MTA3: variants seen among roughly 807,000 people sequenced by gnomAD.
The protein encoded by MTA3 is metastasis associated 1 family member 3.
MTA3 carries 34 observed loss-of-function variants against 83.5 expected under a neutral mutation model. The observed-to-expected ratio is 0.41, with a 90% CI of 0.31 to 0.54. The LOEUF is 0.54. MTA3 is among the 20% of genes least tolerant of loss of function. MTA3 has a pLI of 0.33. For synonymous variants in MTA3, 303 were observed against 252.7 expected, an observed-to-expected ratio of 1.20 and a Z score of -1.89; for missense variants, 761 against 726.4, an observed-to-expected ratio of 1.05 and a Z score of -0.55.
intron 4 of MTA3, among the ~76,000 whole-genome samples, chr2:42,626,794 A>G (rs555738085): frequency 1.1e-4 from 17 of 151,976 alleles, no homozygotes; most frequent in African/African-American, 3.4e-4. Flanking sequence ...AGGATGTAGT[A>G]TAATGGTGCC....
upstream of MTA3, among the ~76,000 whole-genome samples, chr2:42,564,333 G>A (rs969903847): frequency 2.1e-4 from 32 of 152,300 alleles, no homozygotes; most frequent in African/African-American, 6.3e-4. Context: ...TATGGGATCC[G>A]AAAACACATA....
chr2:42,680,255 A>G (rs1274626923), intron 8 of MTA3: 1 of 152,398 alleles, frequency 6.6e-6, no homozygotes, highest in South Asian at 2.1e-4. Context: ...CCAGAGCCCT[A>G]AGCACCTCCA....
chr2:42,604,788 A>G (rs1683037428), intron 3 of MTA3, among the ~76,000 whole-genome samples: 1 of 148,258 alleles, frequency 6.7e-6, no homozygotes, highest in Non-Finnish European at 1.5e-5. Context: ...GATGACTCTT[A>G]ACGAGCATGC....
intron 2 of MTA3, among the ~76,000 whole-genome samples, chr2:42,573,567 A>G (rs759640151): frequency 2.0e-5 from 3 of 152,124 alleles, no homozygotes; most frequent in Non-Finnish European, 4.4e-5. Context: ...CTGGAGTACA[A>G]TGGCATGATC....
In MTA3 at chr2:42,626,769, C is replaced by T. The variant is rs190318233; in HGVS notation, c.318-13404C>T. 6.6e-5 allele frequency among the ~76,000 whole-genome samples: 10 copies of T among 152,114 alleles called. No individual in the cohort carries two copies. In the East Asian group the frequency reaches 1.7e-3, roughly 26 times the overall value. ...AATTTAATTTTTTTTTAGACAGAGTCTTGCTTTGTCGCCCAGGATGTAGTA... is the reference window on the plus strand; with the variant it reads ...AATTTAATTTTTTTTTAGACAGAGTTTTGCTTTGTCGCCCAGGATGTAGTA... On this transcript the variant is annotated intron_variant, in intron 4 of 16. Transcript: ENST00000405094.
intron 11 of MTA3, among the ~76,000 whole-genome samples, chr2:42,701,332 G>GCCCA (rs1226345371): frequency 2.0e-5 from 3 of 147,562 alleles, no homozygotes; most frequent in Non-Finnish European, 4.5e-5. Flanking sequence ...AGGCATGGTG[G>GCCCA]CTCACACCTG....
intron 2 of MTA3, among the ~76,000 whole-genome samples, chr2:42,524,566 T>G (rs1405663215): frequency 6.7e-6 from 1 of 149,274 alleles, no homozygotes; most frequent in East Asian, 2.0e-4. Context: ...CCTCGTGATC[T>G]GCCCATCTCG....
chr2:42,522,543 C>G (rs903040220), intron 2 of MTA3, among the ~76,000 whole-genome samples: 1 of 152,128 alleles, frequency 6.6e-6, no homozygotes, highest in African/African-American at 2.4e-5. Context: ...CGCCTATAAT[C>G]TCAGCACTTT....
At chr2:42,498,523 G>T (rs562562646) in intron 2 of MTA3, among the ~76,000 whole-genome samples, 146 of 152,348 alleles carry the variant, frequency 9.6e-4, no homozygotes, top group African/African-American at 3.1e-3. Flanking sequence ...AGGCTTGGGG[G>T]AAAAGCTATA....
intron 2 of MTA3, among the ~76,000 whole-genome samples, chr2:42,574,774 G>C (rs1407623827): frequency 1.3e-5 from 2 of 152,144 alleles, no homozygotes; most frequent in African/African-American, 2.4e-5. Context: ...TGCCCAGGCT[G>C]ATCTAGAACT....
At chr2:42,499,169 ATCTT>A (rs1007669355) in intron 2 of MTA3, among the ~76,000 whole-genome samples, 2 of 151,246 alleles carry the variant, frequency 1.3e-5, no homozygotes, top group African/African-American at 4.9e-5. Flanking sequence ...AAGAGGGTAG[ATCTT>A]TTTTTTTTTT....
intron 2 of MTA3, among the ~76,000 whole-genome samples, chr2:42,560,197 T>A (rs1226110783): frequency 6.6e-6 from 1 of 152,092 alleles, no homozygotes; most frequent in East Asian, 1.9e-4. Context: ...TAATTTTGTA[T>A]TTTTAGTAGA....
chr2:42,750,289 A>G (rs915872062), intron 16 of MTA3, among the ~76,000 whole-genome samples: 1 of 152,016 alleles, frequency 6.6e-6, no homozygotes, highest in African/African-American at 2.4e-5. Context: ...ACGCCTGGCC[A>G]TGTTTTTTGT....
intron 16 of MTA3, among the ~76,000 whole-genome samples, chr2:42,733,256 G>A (rs2104566476): frequency 1.3e-5 from 2 of 152,316 alleles, no homozygotes; most frequent in African/African-American, 4.8e-5. Context: ...GGCAGGAGGT[G>A]AAAGGCACAT....
At chr2:42,509,574 A>C (rs994871133) in intron 2 of MTA3, among the ~76,000 whole-genome samples, 1 of 152,084 alleles carries the variant, frequency 6.6e-6, no homozygotes. Context: ...GTTTGAGACC[A>C]GTATGGGCAA....
intron 4 of MTA3, among the ~76,000 whole-genome samples, chr2:42,615,741 G>T (rs368937944): frequency 3.8e-4 from 3 of 7,814 alleles, no homozygotes; most frequent in Admixed American, 2.2e-3. Context: ...TTTTTTTTGA[G>T]ACGGAGTCTC....
intron 16 of MTA3, among the ~76,000 whole-genome samples, chr2:42,736,832 C>T (rs763519685): frequency 6.6e-6 from 1 of 152,166 alleles, no homozygotes; most frequent in Non-Finnish European, 1.5e-5. Flanking sequence ...GCTTTTTAGT[C>T]AGCAGCTGGT....
chr2:42,574,350 C>T (rs1678813178), intron 2 of MTA3, among the ~76,000 whole-genome samples: 1 of 150,210 alleles, frequency 6.7e-6, no homozygotes, highest in African/African-American at 2.5e-5. Flanking sequence ...TGGTCTCGAA[C>T]TCCCGACCTC....
intron 2 of MTA3, among the ~76,000 whole-genome samples, chr2:42,576,173 C>T (rs1320380321): frequency 6.6e-6 from 1 of 152,154 alleles, no homozygotes; most frequent in Non-Finnish European, 1.5e-5. Context: ...ACAGGGTCCA[C>T]ATTCTAATGA....
Sources: allele counts gnomAD v4.1 joint callset (sites outside exome capture counted in the v4.1 genomes callset), GRCh38; gene constraint gnomAD v4.1.1; transcripts MANE v1.5; gene names NCBI Gene and HGNC (gene_info 2026-07-23, HGNC 2026-07-21).